MBOAT2: variants seen among roughly 807,000 people sequenced by gnomAD.
MBOAT2 encodes the protein membrane bound glycerophospholipid O-acyltransferase 2, also known as membrane-bound glycerophospholipid O-acyltransferase 2.
Under a neutral mutation model 63.4 loss-of-function variants are expected in MBOAT2, and 28 were observed. That is an observed-to-expected ratio of 0.44 (90% CI 0.33 to 0.61). The LOEUF (loss-of-function observed/expected upper bound fraction) is 0.61. Ranked by LOEUF, MBOAT2 falls within the 20% of genes least tolerant of loss-of-function variation. The pLI, the probability that MBOAT2 is intolerant of heterozygous loss-of-function variation, is 0.03. For missense variants in MBOAT2, 470 were observed against 605.8 expected, an observed-to-expected ratio of 0.78 and a Z score of 2.35; for synonymous variants, 211 against 215.6, an observed-to-expected ratio of 0.98 and a Z score of 0.19.
chr2:8,972,324 G>A (rs1406355819), intron 1 of MBOAT2, among the ~76,000 whole-genome samples: 1 of 152,170 alleles, frequency 6.6e-6, no homozygotes, highest in Non-Finnish European at 1.5e-5. Context: ...TATGTAGAAA[G>A]CTGAAACTGG....
intron 3 of MBOAT2, among the ~76,000 whole-genome samples, chr2:8,923,203 T>C (rs968527185): frequency 9.2e-5 from 14 of 152,226 alleles, no homozygotes; most frequent in African/African-American, 3.4e-4. Context: ...ACCTAAACCA[T>C]GACCTGCCAT....
chr2:8,959,249 G>C (rs1669448358), intron 1 of MBOAT2, among the ~76,000 whole-genome samples: 1 of 152,082 alleles, frequency 6.6e-6, no homozygotes, highest in Non-Finnish European at 1.5e-5. Context: ...TTAGATAAGG[G>C]ACAAAGCAGC....
chr2:8,882,408 G>GT (rs1663205780), intron 6 of MBOAT2, 103 bp downstream of exon 6: 3 of 1,132,076 alleles, frequency 2.7e-6, no homozygotes, highest in Admixed American at 3.8e-5. Context: ...ATTTTCAGAA[G>GT]TAAGTACCTC....
chr2:8,913,699 G>A (rs2148596839), intron 3 of MBOAT2, among the ~76,000 whole-genome samples: 1 of 152,264 alleles, frequency 6.6e-6, no homozygotes, highest in African/African-American at 2.4e-5. Flanking sequence ...GCAGTGCTCA[G>A]GGAACACTTC....
At chr2:8,964,248 T>C (rs1274047952) in intron 1 of MBOAT2, among the ~76,000 whole-genome samples, 2 of 152,276 alleles carry the variant, frequency 1.3e-5, no homozygotes, top group African/African-American at 4.8e-5. Context: ...GCTACTTGTG[T>C]ATTTTACATA....
chr2:8,877,159 G>C lies in MBOAT2; in HGVS notation c.561C>G (p.Ile187Met). 6.2e-7 allele frequency: 1 copy of C among 1,614,046 alleles called. No homozygotes were observed. Reference sequence around the variant, plus strand: ...TGTAAGAGCAAAGTGGGCCTGCCAGGATCCCCATGAAGTTACAGTTGTAAC... The same window carrying C: ...TGTAAGAGCAAAGTGGGCCTGCCAGCATCCCCATGAAGTTACAGTTGTAAC... ...YLSYNCNFMGILAGPLCSYKD... is the reference protein window; with the variant it reads ...YLSYNCNFMGMLAGPLCSYKD... The change falls in exon 7 of 13, where the codon ATC (isoleucine) becomes ATG (methionine). Residue 187 changes from isoleucine to methionine, a missense_variant. By Grantham distance (10) the Ile-to-Met change is conservative. Transcript: ENST00000305997.
Position 8,998,140 on chromosome 2 carries a change from A to G in MBOAT2, c.75+5400T>C, listed in dbSNP as rs189461412. Reference sequence around the variant, plus strand: ...CTAAGCCCAACACACATAGAGGAGGAAACTCATTCATGTATAGTAACATAT... The same window carrying G: ...CTAAGCCCAACACACATAGAGGAGGGAACTCATTCATGTATAGTAACATAT... On this transcript the variant is annotated intron_variant, in intron 1 of 12. Coordinates refer to ENST00000305997, the MANE Select transcript of MBOAT2 (RefSeq NM_138799.4). Among the ~76,000 whole-genome samples, 437 of 152,366 alleles carry G rather than the reference A, an allele frequency of 2.9e-3. 1 individual carries two copies. The highest frequency in any genetic ancestry group is 0.01 in the African/African-American group (424 of 41,584).
At chr2:8,976,575 A>G (rs1212622656) in intron 1 of MBOAT2, among the ~76,000 whole-genome samples, 1 of 152,092 alleles carries the variant, frequency 6.6e-6, no homozygotes, top group Admixed American at 6.6e-5. Flanking sequence ...CTCTCCAAAC[A>G]CTGTCAAGCT....
intron 3 of MBOAT2, among the ~76,000 whole-genome samples, chr2:8,914,003 T>C (rs1246764722): frequency 6.6e-6 from 1 of 152,174 alleles, no homozygotes; most frequent in African/African-American, 2.4e-5. Context: ...TAAAAAGGAA[T>C]GAATTAACAG....
chr2:8,997,527 A>G (rs375614575), intron 1 of MBOAT2, among the ~76,000 whole-genome samples: 1 of 152,250 alleles, frequency 6.6e-6, no homozygotes, highest in East Asian at 1.9e-4. Flanking sequence ...CTAAAAAGCA[A>G]GTCCTAAAGA....
chr2:8,897,621 T>A (rs1397918932), intron 4 of MBOAT2, among the ~76,000 whole-genome samples: 3 of 152,210 alleles, frequency 2.0e-5, no homozygotes, highest in Non-Finnish European at 4.4e-5. Context: ...AGGCTTACTT[T>A]CAAGTATGGT....
At chr2:8,911,562 T>A (rs1363681711) in intron 3 of MBOAT2, among the ~76,000 whole-genome samples, 1 of 152,064 alleles carries the variant, frequency 6.6e-6, no homozygotes, top group African/African-American at 2.4e-5. Context: ...GGTGTTTGGG[T>A]CATGGGGGCA....
intron 2 of MBOAT2, among the ~76,000 whole-genome samples, chr2:8,954,668 A>G (rs1285193302): frequency 1.3e-5 from 2 of 152,182 alleles, no homozygotes; most frequent in African/African-American, 4.8e-5. Flanking sequence ...CCCTTGAACC[A>G]CAGTCTATGT....
chr2:8,936,667 A>G (rs1020198554), intron 3 of MBOAT2, among the ~76,000 whole-genome samples: 1 of 151,920 alleles, frequency 6.6e-6, no homozygotes, highest in Non-Finnish European at 1.5e-5. Flanking sequence ...CTGTAATCGC[A>G]GCTACTTGGG....
At chr2:8,865,183 T>G (rs1213140038) in intron 9 of MBOAT2, among the ~76,000 whole-genome samples, 1 of 152,212 alleles carries the variant, frequency 6.6e-6, no homozygotes, top group Non-Finnish European at 1.5e-5. Flanking sequence ...CTGAACCATT[T>G]GAAATTTTCT....
intron 4 of MBOAT2, among the ~76,000 whole-genome samples, chr2:8,903,753 T>A (rs1665133524): frequency 6.6e-6 from 1 of 152,192 alleles, no homozygotes; most frequent in Non-Finnish European, 1.5e-5. Context: ...CAGTCCTTCA[T>A]CCGGGTTTCC....
At chr2:8,971,361 G>A (rs192130368) in intron 1 of MBOAT2, among the ~76,000 whole-genome samples, 10 of 152,034 alleles carry the variant, frequency 6.6e-5, no homozygotes, top group East Asian at 1.9e-4. Flanking sequence ...CTGATGGGAC[G>A]TATCTCAAAA....
At position 8,853,230 on chromosome 2, in the gene MBOAT2, A is replaced by T. The variant is rs1405614906; in HGVS notation, c.*5449T>A. 6.6e-6 allele frequency: 1 copy of T among 152,224 alleles called. No homozygotes were observed. The highest frequency in any genetic ancestry group is 1.9e-4 in the East Asian group (1 of 5,204). 9.4% of individuals were successfully genotyped at this position (152,224 alleles called of 1,614,324 possible). On this transcript the variant is annotated 3_prime_UTR_variant, in exon 13 of 13. Coordinates refer to ENST00000305997, the MANE Select transcript of MBOAT2 (RefSeq NM_138799.4). ...TATCGTGCCCCTTCTGGTTCAGAGG[A>T]GCAGTCACATAAAAGTGACAAGATG...
chr2:8,990,973 C>T (rs910198875), intron 1 of MBOAT2, among the ~76,000 whole-genome samples: 2 of 152,122 alleles, frequency 1.3e-5, no homozygotes, highest in African/African-American at 4.8e-5. Flanking sequence ...CAAACCTCTC[C>T]CCTGTCCTCT....
Sources: gnomAD v4.1 joint callset for allele counts (sites outside exome capture counted in the v4.1 genomes callset) on GRCh38, gnomAD v4.1.1 for gene constraint, MANE v1.5 for transcripts, NCBI Gene and HGNC (gene_info 2026-07-23, HGNC 2026-07-21) for gene names.